The following PYCR1 variants were observed in gnomAD, a reference collection of about 807,000 sequenced individuals.
PYCR1 encodes the protein pyrroline-5-carboxylate reductase 1, mitochondrial.
PYCR1 carries 19 observed loss-of-function variants against 22.9 expected under a neutral mutation model. That is an observed-to-expected ratio of 0.83 (90% CI 0.58 to 1.22). The LOEUF (loss-of-function observed/expected upper bound fraction) is 1.22, where lower values mean the gene tolerates loss of function less well. PYCR1 is among the 50% of genes most tolerant of loss of function. The probability of loss-of-function intolerance (pLI) is 0.00; values close to 1 mark genes in which losing one functional copy is unlikely to be tolerated. For missense variants in PYCR1, 429 were observed against 431.3 expected, an observed-to-expected ratio of 0.99 and a Z score of 0.05; for synonymous variants, 175 against 180.5, an observed-to-expected ratio of 0.97 and a Z score of 0.24.
chr17:81,936,249 G>A (rs1363267505), intron 1 of PYCR1, 56 bp from the exon 2 acceptor site: 27 of 1,509,540 alleles, frequency 1.8e-5, no homozygotes, highest in East Asian at 2.3e-5. Context: ...TTTTTGAGAC[G>A]GAGTCTCGCT....
chr17:81,936,438 G>A (rs1310153917), intron 1 of PYCR1, among the ~76,000 whole-genome samples: 3 of 152,142 alleles, frequency 2.0e-5, no homozygotes, highest in African/African-American at 7.2e-5. Context: ...TGTTAGCCAG[G>A]ATGGTCTCGA....
Position 81,937,004 on chromosome 17 carries a change from G to A in PYCR1, c.-190C>T. Reference sequence around the variant, plus strand: ...TGCTGTCCGGCCCGTTAACTGCTTCGGGGCCCCCAGTCAGAGCGGCGGTGC... The same window carrying A: ...TGCTGTCCGGCCCGTTAACTGCTTCAGGGCCCCCAGTCAGAGCGGCGGTGC... On this transcript the variant is annotated 5_prime_UTR_variant, in exon 1 of 7. Coordinates refer to ENST00000329875, the MANE Select transcript of PYCR1 (RefSeq NM_006907.4). 6.1e-6 allele frequency: 9 copies of A among 1,467,176 alleles called. No individual in the cohort carries two copies. The highest frequency in any genetic ancestry group is 8.1e-6 in the Non-Finnish European group (9 of 1,109,612). The allele number at this position is 1,467,176 out of a possible 1,614,324, so 90.9% of individuals were successfully genotyped here.
chr17:81,936,660 G>A (rs752929017), intron 1 of PYCR1, 88 bp downstream of exon 1: 2 of 1,435,460 alleles, frequency 1.4e-6, no homozygotes, highest in Non-Finnish European at 9.6e-7. Context: ...TTGTGACCCA[G>A]CACCCACCTT....
chr17:81,933,192 G>A lies in PYCR1; in HGVS notation c.*22C>T, dbSNP rs762191841. 1.2e-6 allele frequency: 2 copies of A among 1,613,336 alleles called. No homozygotes were observed. Among genetic ancestry groups the A allele is most frequent in the Admixed American group, 1.7e-5 (1 of 60,014 alleles). On this transcript the variant is annotated 3_prime_UTR_variant, in exon 7 of 7. Coordinates refer to ENST00000329875, the MANE Select transcript of PYCR1 (RefSeq NM_006907.4). The stretch of plus-strand genomic sequence containing the variant: ...ACAAGAGAAGAGAAGGTGGTGGCAG[G>A]ATGGTGGTCAGGCAGGACGTGTCAA...
Position 81,934,427 on chromosome 17 carries a change from G to A in PYCR1, c.696C>T (p.Ser232=). The part of the protein sequence containing the change: ...QHPGQLKDNV[S]SPGGATIHAL... Reference sequence around the variant, plus strand: ...CATGGATGGTGGCCCCACCAGGAGAGCTGACGTTGTCCTTGAGCTGGCCTG... The same window carrying A: ...CATGGATGGTGGCCCCACCAGGAGAACTGACGTTGTCCTTGAGCTGGCCTG... The change falls in exon 6 of 7, where the codon AGC becomes AGT. Residue 232 remains serine (S), a synonymous_variant. Coordinates refer to ENST00000329875, the MANE Select transcript of PYCR1 (RefSeq NM_006907.4). The A allele has an allele frequency of 1.2e-6, 2 of 1,611,518 alleles. No homozygotes were observed. Among genetic ancestry groups the A allele is most frequent in the Non-Finnish European group, 1.7e-6 (2 of 1,179,568 alleles).
intron 6 of PYCR1, 108 bp downstream of exon 6, chr17:81,934,217 TG>T: frequency 6.7e-7 from 1 of 1,501,770 alleles, no homozygotes; most frequent in African/African-American, 1.4e-5. Flanking sequence ...AACACTGGGC[TG>T]GAGCTCAATA....
rs766744225 is a variant in PYCR1, at chr17:81,935,465, C to G, written c.190G>C (p.Asp64His). The change falls in exon 3 of 7, where the codon GAT (aspartate) becomes CAT (histidine). Residue 64 changes from aspartate (D) to histidine (H), a missense_variant. Coordinates refer to ENST00000329875, the MANE Select transcript of PYCR1 (RefSeq NM_006907.4). ...PHNKETVQHS[D>H]VLFLAVKPHI... ...GGCTTCACAGCCAGGAAGAGCACAT[C>G]ACTGTGCTGCACCGTCTCCTTGTTG... 1 of 1,613,204 alleles carries G rather than the reference C, an allele frequency of 6.2e-7. No individual in the cohort carries two copies. The highest frequency in any genetic ancestry group is 1.7e-5 in the Admixed American group (1 of 59,928).
At position 81,937,068 on chromosome 17, in the gene PYCR1, T is replaced by G. The variant is rs2041220519; in HGVS notation, c.-254A>C. Reference sequence around the variant, plus strand: ...TAGGGTCCCGCACCCACTGGAGGGGTGGAGGTTCCGCAGAAGAAATGACTG... The same window carrying G: ...TAGGGTCCCGCACCCACTGGAGGGGGGGAGGTTCCGCAGAAGAAATGACTG... On this transcript the variant is annotated 5_prime_UTR_variant, in exon 1 of 7. Coordinates refer to ENST00000329875, the MANE Select transcript of PYCR1 (RefSeq NM_006907.4). The G allele has an allele frequency of 7.0e-7, 1 of 1,427,618 alleles. No homozygotes were observed. The highest frequency in any genetic ancestry group is 9.1e-7 in the Non-Finnish European group (1 of 1,094,034). The allele number at this position is 1,427,618 out of a possible 1,614,324, so 88.4% of individuals were successfully genotyped here.
rs2041038004 is a variant in PYCR1, at chr17:81,933,194, T to C, written c.*20A>G. ...AAGAGAAGAGAAGGTGGTGGCAGGA[T>C]GGTGGTCAGGCAGGACGTGTCAATC... On this transcript the variant is annotated 3_prime_UTR_variant, in exon 7 of 7. Coordinates refer to ENST00000329875, the MANE Select transcript of PYCR1 (RefSeq NM_006907.4). 3 of 1,613,356 alleles carry C rather than the reference T, an allele frequency of 1.9e-6. No individual in the cohort carries two copies. Among genetic ancestry groups the C allele is most frequent in the South Asian group, 1.1e-5 (1 of 91,068 alleles).
At position 81,934,423 on chromosome 17, in the gene PYCR1, G is replaced by A; in HGVS notation, c.700C>T (p.Pro234Ser). The A allele has an allele frequency of 6.2e-7, 1 of 1,611,614 alleles. No individual in the cohort carries two copies. The highest frequency in any genetic ancestry group is 8.5e-7 in the Non-Finnish European group (1 of 1,179,586). The stretch of plus-strand genomic sequence containing the variant: ...AAGGCATGGATGGTGGCCCCACCAG[G>A]AGAGCTGACGTTGTCCTTGAGCTGG... ...PGQLKDNVSS[P>S]GGATIHALHV... The change falls in exon 6 of 7, where the codon CCT (proline) becomes TCT (serine). Residue 234 changes from proline to serine, a missense_variant. By Grantham distance (74) the Pro-to-Ser change is moderately conservative (BLOSUM62 -1). Coordinates refer to ENST00000329875, the MANE Select transcript of PYCR1 (RefSeq NM_006907.4).
In PYCR1 at chr17:81,934,516, T is replaced by G. The variant is rs373991158; in HGVS notation, c.634-27A>C. The G allele has an allele frequency of 2.7e-5, 42 of 1,577,528 alleles. No homozygotes were observed. In the African/African-American group the frequency reaches 5.0e-4, roughly 19 times the overall value. Reference sequence around the variant, plus strand: ...TGCAGCCAGAAGAAAGGCTGACGGCTGTGGGCACGCACCTGCCTCTGCGGG... The same window carrying G: ...TGCAGCCAGAAGAAAGGCTGACGGCGGTGGGCACGCACCTGCCTCTGCGGG... On this transcript the variant is annotated intron_variant, in intron 5 of 6. Transcript: ENST00000329875.
chr17:81,935,608 TGC>T, intron 2 of PYCR1, 92 bp from the exon 3 acceptor site: 1 of 707,782 alleles, frequency 1.4e-6, no homozygotes, highest in Non-Finnish European at 2.2e-6. Flanking sequence ...GCACAGAGAA[TGC>T]TGGAGTTGGG....
At position 81,937,295 on chromosome 17, in the gene PYCR1, A is replaced by G. The variant is rs1055243305; in HGVS notation, c.-481T>C. The G allele has an allele frequency of 9.2e-7, 1 of 1,088,004 alleles. No individual in the cohort carries two copies. Among genetic ancestry groups the G allele is most frequent in the Non-Finnish European group, 1.2e-6 (1 of 855,652 alleles). 67.4% of individuals were successfully genotyped at this position (1,088,004 alleles called of 1,614,324 possible). On this transcript the variant is annotated 5_prime_UTR_variant, in exon 1 of 7. Coordinates refer to ENST00000329875, the MANE Select transcript of PYCR1 (RefSeq NM_006907.4). ...GCTGCGGCCGCCACGCGGCACCCGCACCCAGGCCCCGCCCCCGTCGCGCCA... is the reference window on the plus strand; with the variant it reads ...GCTGCGGCCGCCACGCGGCACCCGCGCCCAGGCCCCGCCCCCGTCGCGCCA...
intron 6 of PYCR1, 76 bp downstream of exon 6, chr17:81,934,250 T>A: frequency 6.3e-7 from 1 of 1,579,660 alleles, no homozygotes; most frequent in East Asian, 2.3e-5. Flanking sequence ...AGTGCGTGAA[T>A]GAGCAGATGT....
Position 81,932,601 on chromosome 17 carries a change from T to TAGC in PYCR1, c.*610_*612dup. On this transcript the variant is annotated 3_prime_UTR_variant, in exon 7 of 7. Coordinates refer to ENST00000329875, the MANE Select transcript of PYCR1 (RefSeq NM_006907.4). ...ACTGAAAGGGCCAGGACAGAACTGA[T>TAGC]AGCACCCTCCCAGGGAGGTCAGGAG... The TAGC allele has an allele frequency of 2.0e-6, 1 of 501,128 alleles. No homozygotes were observed. The allele number at this position is 501,128 out of a possible 1,614,324, so 31.0% of individuals were successfully genotyped here. A position where few individuals can be genotyped will look rare whatever the true frequency, so the allele number is the denominator to read the frequency against.
chr17:81,937,209 A>G lies in PYCR1; in HGVS notation c.-395T>C, dbSNP rs1241754602. The G allele has an allele frequency of 5.4e-6, 8 of 1,475,274 alleles. No homozygotes were observed. The highest frequency in any genetic ancestry group is 6.3e-6 in the Non-Finnish European group (7 of 1,117,550). The allele number at this position is 1,475,274 out of a possible 1,614,324, so 91.4% of individuals were successfully genotyped here. ...GCGCCCCACCCGGCGACCGCCGCCC[A>G]CCATTCCCGGAGCCCGACCCCAACC... On this transcript the variant is annotated 5_prime_UTR_variant, in exon 1 of 7. Coordinates refer to ENST00000329875, the MANE Select transcript of PYCR1 (RefSeq NM_006907.4).
chr17:81,937,146 G>A lies in PYCR1; in HGVS notation c.-332C>T, dbSNP rs2041223285. On this transcript the variant is annotated 5_prime_UTR_variant, in exon 1 of 7. In the 5' UTR this introduces an upstream ATG that the reference lacks. Coordinates refer to ENST00000329875, the MANE Select transcript of PYCR1 (RefSeq NM_006907.4). ...AGGGCCCGGCGCCTAGGGGTCCCCC[G>A]TCTGGGTTCCCACCCCGCCCAGAAC... 1 of 1,433,418 alleles carries A rather than the reference G, an allele frequency of 7.0e-7. No individual in the cohort carries two copies. The highest frequency in any genetic ancestry group is 9.1e-7 in the Non-Finnish European group (1 of 1,098,468). The allele number at this position is 1,433,418 out of a possible 1,614,324, so 88.8% of individuals were successfully genotyped here.
Position 81,937,021 on chromosome 17 carries a change from C to A in PYCR1, c.-207G>T. On this transcript the variant is annotated 5_prime_UTR_variant, in exon 1 of 7. Coordinates refer to ENST00000329875, the MANE Select transcript of PYCR1 (RefSeq NM_006907.4). Reference sequence around the variant, plus strand: ...ACTGCTTCGGGGCCCCCAGTCAGAGCGGCGGTGCCTGGCCTGCTGCCTAGG... The same window carrying A: ...ACTGCTTCGGGGCCCCCAGTCAGAGAGGCGGTGCCTGGCCTGCTGCCTAGG... The A allele has an allele frequency of 6.9e-7, 1 of 1,458,070 alleles. No homozygotes were observed. Among genetic ancestry groups the A allele is most frequent in the Admixed American group, 2.4e-5 (1 of 42,222 alleles). The allele number at this position is 1,458,070 out of a possible 1,614,324, so 90.3% of individuals were successfully genotyped here.
intron 6 of PYCR1, chr17:81,934,107 G>T: frequency 1.5e-6 from 1 of 655,866 alleles, no homozygotes; most frequent in Non-Finnish European, 2.7e-6. Context: ...ACAGCATCCG[G>T]GTCCCTCTAT....
Sources: gnomAD v4.1 joint callset for allele counts (sites outside exome capture counted in the v4.1 genomes callset) on GRCh38, gnomAD v4.1.1 for gene constraint, MANE v1.5 for transcripts, NCBI Gene and HGNC (gene_info 2026-07-23, HGNC 2026-07-21) for gene names.